The following DNAH3 variants were observed in gnomAD, a reference collection of about 807,000 sequenced individuals.
DNAH3 encodes the protein dynein axonemal heavy chain 3, also known as axonemal beta dynein heavy chain 3.
In DNAH3, 332 loss-of-function variants were observed where a neutral mutation model predicts 432.5. The observed-to-expected ratio is 0.77, with a 90% CI of 0.70 to 0.84. DNAH3 has a LOEUF of 0.84. Among genes scored for constraint, DNAH3 ranks in the 40% least tolerant of loss-of-function variants. DNAH3 has a pLI of 0.00. For missense variants in DNAH3, 4,861 were observed against 5,114.0 expected (o/e 0.95, Z 1.51); for synonymous variants, 1,956 against 1,900.2 (o/e 1.03, Z -0.76).
chr16:21,074,904 A>T (rs898232973), intron 21 of DNAH3, among the ~76,000 whole-genome samples: 1 of 152,090 alleles, frequency 6.6e-6, no homozygotes, highest in Non-Finnish European at 1.5e-5. Flanking sequence ...GCACTGTACA[A>T]ACTCCTGTGT....
chr16:21,068,326 G>T (rs547708640), intron 23 of DNAH3, among the ~76,000 whole-genome samples: 6 of 61,956 alleles, frequency 9.7e-5, no homozygotes, highest in South Asian at 5.9e-4. Context: ...TTTTTTGGGT[G>T]GGGGGGGGGA....
chr16:21,115,751 T>A (rs1397742987), intron 12 of DNAH3, among the ~76,000 whole-genome samples: 172 of 148,908 alleles, frequency 1.2e-3, no homozygotes, highest in African/African-American at 4.1e-3. Context: ...AAAATAAAAA[T>A]AAAATAAAAT....
At chr16:20,980,378 G>C (rs543137811) in intron 49 of DNAH3, among the ~76,000 whole-genome samples, 2 of 122,842 alleles carry the variant, frequency 1.6e-5, no homozygotes, top group African/African-American at 2.8e-5. Context: ...ATATATGTGG[G>C]GGGGGAGAGA....
At chr16:21,103,471 T>C (rs1362391409) in intron 16 of DNAH3, among the ~76,000 whole-genome samples, 4 of 151,980 alleles carry the variant, frequency 2.6e-5, no homozygotes, top group Admixed American at 2.6e-4. Flanking sequence ...TAAACACAAA[T>C]CAATTCCTTC....
intron 36 of DNAH3, among the ~76,000 whole-genome samples, chr16:21,031,507 T>C (rs907239676): frequency 4.0e-5 from 6 of 151,418 alleles, no homozygotes; most frequent in Admixed American, 6.6e-5. Flanking sequence ...GAGGCCAGGA[T>C]GGGAGGATCA....
At chr16:21,155,587 A>C (rs2152838221) in intron 1 of DNAH3, among the ~76,000 whole-genome samples, 1 of 134,624 alleles carries the variant, frequency 7.4e-6, no homozygotes, top group East Asian at 2.3e-4. Context: ...GCGCCACTGC[A>C]CTCCAGCCTG....
rs181239925 is a variant in DNAH3 at position 21,001,684 on chromosome 16, T to C, written c.6127-1166A>G. Reference sequence around the variant, plus strand: ...CCCCCTACAGTCTTCCCAGTAACCTTCTAAGGCAGGTATGTAATAACACAG... The same window carrying C: ...CCCCCTACAGTCTTCCCAGTAACCTCCTAAGGCAGGTATGTAATAACACAG... On this transcript the variant is annotated intron_variant, in intron 42 of 61. Coordinates refer to ENST00000261383, the Ensembl canonical transcript of DNAH3. 8.9e-4 allele frequency among the ~76,000 whole-genome samples: 136 copies of C among 152,190 alleles called. 2 individuals carry two copies. The highest frequency in any genetic ancestry group is 3.5e-3 in the East Asian group (18 of 5,176).
intron 10 of DNAH3, chr16:21,120,932 C>T: frequency 9.3e-7 from 1 of 1,077,154 alleles, no homozygotes; most frequent in Non-Finnish European, 1.4e-6. Flanking sequence ...TGTAGGAGAG[C>T]TGCCCAGTGT....
intron 24 of DNAH3, among the ~76,000 whole-genome samples, chr16:21,064,046 TTCCTC>T (rs2090455342): frequency 6.6e-6 from 1 of 152,190 alleles, no homozygotes; most frequent in Admixed American, 6.5e-5. Context: ...ATATTTACAG[TTCCTC>T]TCATCAAGGG....
intron 19 of DNAH3, among the ~76,000 whole-genome samples, chr16:21,085,605 T>C (rs2091342281): frequency 6.6e-6 from 1 of 151,678 alleles, no homozygotes; most frequent in South Asian, 2.1e-4. Context: ...ACCCCATCCT[T>C]TGGTTAGGTC....
At chr16:21,143,769 C>T (rs1477632740) in intron 3 of DNAH3, among the ~76,000 whole-genome samples, 1 of 152,038 alleles carries the variant, frequency 6.6e-6, no homozygotes, top group African/African-American at 2.4e-5. Context: ...AAAAAGAAAT[C>T]CTCCAAGTGA....
At chr16:20,957,630 T>A (rs1332106563) in intron 54 of DNAH3, among the ~76,000 whole-genome samples, 2 of 151,674 alleles carry the variant, frequency 1.3e-5, no homozygotes, top group African/African-American at 4.8e-5. Context: ...CTGACCAACA[T>A]GGAGAAACCC....
intron 2 of DNAH3, 39 bp from the exon 4 acceptor site, chr16:21,145,445 A>G (rs755171231): frequency 2.1e-5 from 32 of 1,549,224 alleles, no homozygotes; most frequent in Middle Eastern, 3.4e-4. Flanking sequence ...ACAATGAGGA[A>G]CATCTCTCGA....
At chr16:21,043,126 A>C (rs1021006391) in intron 31 of DNAH3, among the ~76,000 whole-genome samples, 3 of 151,974 alleles carry the variant, frequency 2.0e-5, no homozygotes, top group Non-Finnish European at 2.9e-5. Flanking sequence ...ATGCTGCAGT[A>C]AACATACGTG....
chr16:20,942,957 GGAGTGCAAAGGCAT>G (rs1390805981), intron 58 of DNAH3, among the ~76,000 whole-genome samples: 2 of 152,046 alleles, frequency 1.3e-5, no homozygotes, highest in Non-Finnish European at 2.9e-5. Context: ...CGTCCAGGTG[GGAGTGCAAAGGCAT>G]GATCACAGCC....
rs2090940366 is a variant in DNAH3 at position 21,075,446 on chromosome 16, C to G, written c.3084+1G>C. 1 of 1,608,512 alleles carries G rather than the reference C, an allele frequency of 6.2e-7. No individual in the cohort carries two copies. The highest frequency in any genetic ancestry group is 1.3e-5 in the African/African-American group (1 of 74,828). ...GGGGCTGCGGTTGCAGTGAGACTCA[C>G]AGTGTCCCTGTATTTCACGAAGCTG... On this transcript the variant is annotated splice_donor_variant, in intron 21 of 61. Coordinates refer to ENST00000261383, the Ensembl canonical transcript of DNAH3. LOFTEE classifies it high-confidence loss of function.
At chr16:21,046,850 A>G (rs2089721698) in intron 31 of DNAH3, among the ~76,000 whole-genome samples, 1 of 150,804 alleles carries the variant, frequency 6.6e-6, no homozygotes, top group Admixed American at 6.6e-5. Context: ...TTCCTTCAGG[A>G]GCTCTTGTAA....
intron 58 of DNAH3, among the ~76,000 whole-genome samples, chr16:20,942,062 T>C (rs1456060695): frequency 7.6e-6 from 1 of 131,068 alleles, no homozygotes; most frequent in Non-Finnish European, 1.6e-5. Flanking sequence ...AACACCTGTC[T>C]AAAAGTTAAA....
chr16:21,146,801 C>T (rs1456105740), intron 1 of DNAH3, among the ~76,000 whole-genome samples: 1 of 150,880 alleles, frequency 6.6e-6, no homozygotes, highest in African/African-American at 2.4e-5. Context: ...TGCTCTGTCA[C>T]CCAGGCTGGA....
Sources: gnomAD v4.1 joint callset for allele counts (sites outside exome capture counted in the v4.1 genomes callset) on GRCh38, gnomAD v4.1.1 for gene constraint, MANE v1.5 for transcripts, NCBI Gene and HGNC (gene_info 2026-07-23, HGNC 2026-07-21) for gene names.